EDDM13: variants seen among roughly 807,000 people sequenced by gnomAD.
EDDM13 encodes the protein epididymal protein 13.
EDDM13 carries 24 observed loss-of-function variants against 17.8 expected under a neutral mutation model. The ratio of observed to expected loss-of-function variants is 1.35; its 90% CI spans 0.98 to 1.90. The LOEUF is 1.90. EDDM13 is among the 40% of genes most tolerant of loss of function. The pLI is 0.00. For synonymous variants in EDDM13, 31 were observed against 37.5 expected (o/e 0.83, Z 0.63); for missense variants, 97 against 100.8 (o/e 0.96, Z 0.16).
intron 14 of EDDM13, among the ~76,000 whole-genome samples, chr19:56,305,284 C>CT (rs558179990): frequency 3.7e-4 from 57 of 152,320 alleles, no homozygotes; most frequent in Admixed American, 2.0e-3. Flanking sequence ...AGTCTACTCT[C>CT]TGTCTCTGAG....
chr19:56,304,653 A>T (rs2040567039), intron 13 of EDDM13, 140 bp from the exon 14 acceptor site: 1 of 297,706 alleles, frequency 3.4e-6, no homozygotes, highest in Non-Finnish European at 5.0e-6. Flanking sequence ...AGAAGATGTT[A>T]CAACCAGAGG....
chr19:56,298,783 T>A (rs1216834482), intron 12 of EDDM13, among the ~76,000 whole-genome samples: 1 of 152,092 alleles, frequency 6.6e-6, no homozygotes, highest in East Asian at 1.9e-4. Context: ...AAGGAAGAAA[T>A]CACATTGATC....
chr19:56,287,936 G>T (rs149212348), intron 6 of EDDM13, among the ~76,000 whole-genome samples: 1 of 152,224 alleles, frequency 6.6e-6, no homozygotes, highest in Admixed American at 6.5e-5. Flanking sequence ...TCCAGTGTTA[G>T]CTCTGAAACT....
At chr19:56,299,248 A>G (rs2147235776) in intron 12 of EDDM13, among the ~76,000 whole-genome samples, 1 of 151,962 alleles carries the variant, frequency 6.6e-6, no homozygotes, top group East Asian at 1.9e-4. Context: ...CCTCCCCTCT[A>G]CAGCCTCTGA....
chr19:56,307,553 C>A (rs1271588008), intron 14 of EDDM13, among the ~76,000 whole-genome samples: 1 of 152,142 alleles, frequency 6.6e-6, no homozygotes, highest in African/African-American at 2.4e-5. Flanking sequence ...TACAGAAGGC[C>A]TCTGCTGTCT....
intron 9 of EDDM13, among the ~76,000 whole-genome samples, chr19:56,291,980 G>A (rs988212108): frequency 2.0e-5 from 3 of 152,118 alleles, no homozygotes; most frequent in African/African-American, 7.2e-5. Flanking sequence ...TTCTTCACAA[G>A]GCAAGTATTA....
chr19:56,278,593 T>C (rs1333597688), intron 2 of EDDM13, among the ~76,000 whole-genome samples: 3 of 152,324 alleles, frequency 2.0e-5, no homozygotes, highest in Admixed American at 1.3e-4. Flanking sequence ...AAGATATTGA[T>C]AGAGATATTT....
At chr19:56,295,312 G>A (rs2039793108) in intron 9 of EDDM13, among the ~76,000 whole-genome samples, 1 of 152,100 alleles carries the variant, frequency 6.6e-6, no homozygotes, top group African/African-American at 2.4e-5. Context: ...ATGGAAAAAA[G>A]GCCTGGCATG....
At chr19:56,278,559 T>C (rs1468733349) in intron 2 of EDDM13, among the ~76,000 whole-genome samples, 1 of 152,220 alleles carries the variant, frequency 6.6e-6, no homozygotes, top group Non-Finnish European at 1.5e-5. Flanking sequence ...CATGAAGATA[T>C]ACATATAGAT....
At chr19:56,273,262 G>T (rs1321105146) in intron 1 of EDDM13, among the ~76,000 whole-genome samples, 2 of 152,278 alleles carry the variant, frequency 1.3e-5, no homozygotes, top group East Asian at 3.9e-4. Flanking sequence ...ACGAGCTTAC[G>T]TTGTGCAGTG....
rs1600147431 is a variant in EDDM13 at position 56,272,801 on chromosome 19, G to A, written c.-34G>A. 2.2e-6 allele frequency: 2 copies of A among 900,774 alleles called. No homozygotes were observed. Among genetic ancestry groups the A allele is most frequent in the Middle Eastern group, 5.7e-4 (1 of 1,750 alleles). The allele number at this position is 900,774 out of a possible 1,614,324, so 55.8% of individuals were successfully genotyped here. A position where few individuals can be genotyped will look rare whatever the true frequency, so the allele number is the denominator to read the frequency against. ...GACCAGAGAGTCCTGTCTATCCTAG[G>A]AGGAGAACATTCAGCCCAAATCCCA... On this transcript the variant is annotated 5_prime_UTR_variant, in exon 1 of 15. Coordinates refer to ENST00000649256, the MANE Select transcript of EDDM13 (RefSeq NM_001354658.2).
intron 12 of EDDM13, among the ~76,000 whole-genome samples, chr19:56,301,621 G>A (rs1335897414): frequency 6.6e-6 from 1 of 152,134 alleles, no homozygotes; most frequent in Non-Finnish European, 1.5e-5. Flanking sequence ...ATGTAGCCCA[G>A]TAGGGCTCAG....
In EDDM13 at chr19:56,287,404, G is replaced by A. The variant is rs144267065; in HGVS notation, c.155-981G>A. Among the ~76,000 whole-genome samples the A allele has an allele frequency of 5.8e-3, 888 of 151,932 alleles. 2 individuals are homozygous for A. The highest frequency in any genetic ancestry group is 8.7e-3 in the Non-Finnish European group (592 of 67,964). ...TCACCTCTCCTTTTCTTCCCTTCCC[G>A]CCTCTCCTCCCTCCCACATTGCCTG... On this transcript the variant is annotated intron_variant, in intron 6 of 14. Coordinates refer to ENST00000649256, the MANE Select transcript of EDDM13 (RefSeq NM_001354658.2).
At chr19:56,288,030 A>C (rs990917123) in intron 6 of EDDM13, among the ~76,000 whole-genome samples, 2 of 152,070 alleles carry the variant, frequency 1.3e-5, no homozygotes, top group Non-Finnish European at 2.9e-5. Flanking sequence ...TGATGAGGAG[A>C]CTGAGGCACA....
chr19:56,282,138 C>G (rs1001856475), intron 3 of EDDM13, among the ~76,000 whole-genome samples: 9 of 151,994 alleles, frequency 5.9e-5, no homozygotes, highest in African/African-American at 2.2e-4. Flanking sequence ...TCTTCCTTTC[C>G]CAGAATTAAC....
At chr19:56,305,716 G>C (rs1405410867) in intron 14 of EDDM13, among the ~76,000 whole-genome samples, 4 of 152,148 alleles carry the variant, frequency 2.6e-5, no homozygotes. Flanking sequence ...ATGATTACAG[G>C]TGATACTTAG....
At chr19:56,293,402 G>T (rs998435190) in intron 9 of EDDM13, among the ~76,000 whole-genome samples, 4 of 152,072 alleles carry the variant, frequency 2.6e-5, no homozygotes, top group Admixed American at 2.6e-4. Context: ...AAGCGGCTCA[G>T]ACTAACGAGG....
At chr19:56,287,273 G>A (rs1405579544) in intron 6 of EDDM13, among the ~76,000 whole-genome samples, 2 of 152,248 alleles carry the variant, frequency 1.3e-5, no homozygotes, top group Non-Finnish European at 2.9e-5. Context: ...CAAGAAATGT[G>A]TTGTGGGAAA....
At chr19:56,294,231 G>A (rs980020120) in intron 9 of EDDM13, among the ~76,000 whole-genome samples, 1 of 152,158 alleles carries the variant, frequency 6.6e-6, no homozygotes, top group Admixed American at 6.5e-5. Context: ...GGGCCCACCA[G>A]GTGCCAAGCT....
Sources: gnomAD v4.1 joint callset for allele counts (sites outside exome capture counted in the v4.1 genomes callset) on GRCh38, gnomAD v4.1.1 for gene constraint, MANE v1.5 for transcripts, NCBI Gene and HGNC (gene_info 2026-07-23, HGNC 2026-07-21) for gene names.